ANGPTL1: variants seen among roughly 807,000 people sequenced by gnomAD.
ANGPTL1 encodes the protein angiopoietin-related protein 1.
Under a neutral mutation model 46.7 loss-of-function variants are expected in ANGPTL1, and 36 were observed. The ratio of observed to expected loss-of-function variants is 0.77; its 90% CI spans 0.59 to 1.02. The LOEUF (loss-of-function observed/expected upper bound fraction) is 1.02, where lower values mean the gene tolerates loss of function less well. Ranked by LOEUF, ANGPTL1 falls within the 50% of genes least tolerant of loss-of-function variation. The probability of loss-of-function intolerance (pLI) is 0.00; values close to 1 mark genes in which losing one functional copy is unlikely to be tolerated. For synonymous variants in ANGPTL1, 221 were observed against 204.3 expected (o/e 1.08, Z -0.69); for missense variants, 571 against 594.7 (o/e 0.96, Z 0.41).
intron 3 of ANGPTL1, among the ~76,000 whole-genome samples, chr1:178,862,858 T>G (rs1658131919): frequency 6.6e-6 from 1 of 152,096 alleles, no homozygotes; most frequent in Non-Finnish European, 1.5e-5. Context: ...AGCAGATATG[T>G]GAGTAGTTTA....
intron 3 of ANGPTL1, among the ~76,000 whole-genome samples, chr1:178,864,278 T>G (rs1344338983): frequency 2.0e-5 from 3 of 150,696 alleles, no homozygotes; most frequent in Non-Finnish European, 2.9e-5. Context: ...AATGCAATAG[T>G]TTTTTTTTAT....
chr1:178,854,458 A>T (rs1397479689), intron 3 of ANGPTL1, among the ~76,000 whole-genome samples: 1 of 152,148 alleles, frequency 6.6e-6, no homozygotes, highest in African/African-American at 2.4e-5. Flanking sequence ...AAAAGCCCTG[A>T]AATAAACCAG....
intron 4 of ANGPTL1, 78 bp from the exon 5 acceptor site, chr1:178,853,031 T>TG: frequency 6.6e-7 from 1 of 1,510,254 alleles, no homozygotes. Flanking sequence ...GTGTTAAACA[T>TG]TCGATAGCAT....
At chr1:178,862,566 A>G (rs1220594855) in intron 3 of ANGPTL1, among the ~76,000 whole-genome samples, 3 of 152,062 alleles carry the variant, frequency 2.0e-5, no homozygotes, top group African/African-American at 7.2e-5. Flanking sequence ...AGGCGTCAAC[A>G]AGGGCCTCAA....
rs138592842 is a variant in ANGPTL1 at position 178,851,018 on chromosome 1, A to T, written c.*111T>A. 117 of 1,053,146 alleles carry T rather than the reference A, an allele frequency of 1.1e-4. No individual in the cohort carries two copies. The African/African-American group carries it at 1.7e-3, about 16-fold the overall frequency. The allele number at this position is 1,053,146 out of a possible 1,614,324, so 65.2% of individuals were successfully genotyped here. A position where few individuals can be genotyped will look rare whatever the true frequency, so the allele number is the denominator to read the frequency against. Reference sequence around the variant, plus strand: ...TAGTTACGGTAAAATTCATTTTAAAAACTTTCTGTGTAGAAATAAATTGTG... The same window carrying T: ...TAGTTACGGTAAAATTCATTTTAAATACTTTCTGTGTAGAAATAAATTGTG... On this transcript the variant is annotated 3_prime_UTR_variant, in exon 6 of 6. Transcript: ENST00000234816.
At chr1:178,862,758 T>C (rs866365522) in intron 3 of ANGPTL1, among the ~76,000 whole-genome samples, 6 of 152,114 alleles carry the variant, frequency 3.9e-5, no homozygotes, top group African/African-American at 1.4e-4. Context: ...AGGAAACTAG[T>C]GGAAGGTCCG....
intron 3 of ANGPTL1, among the ~76,000 whole-genome samples, chr1:178,855,354 A>G (rs918760304): frequency 6.8e-5 from 10 of 147,722 alleles, no homozygotes; most frequent in Admixed American, 1.3e-4. Flanking sequence ...GAAACTGTCT[A>G]TAATTTTTTG....
At chr1:178,869,445 G>T (rs1220384468) in intron 1 of ANGPTL1, among the ~76,000 whole-genome samples, 1 of 152,062 alleles carries the variant, frequency 6.6e-6, no homozygotes, top group African/African-American at 2.4e-5. Context: ...TTTAAGAAAA[G>T]GATAAATAGT....
intron 5 of ANGPTL1, among the ~76,000 whole-genome samples, chr1:178,851,920 C>T (rs373416909): frequency 6.6e-6 from 1 of 151,950 alleles, no homozygotes; most frequent in African/African-American, 2.4e-5. Context: ...TGTATCAGGA[C>T]GAGAAGAAAC....
At chr1:178,865,829 G>T in intron 2 of ANGPTL1, 27 bp from the exon 3 acceptor site, 1 of 1,373,024 alleles carries the variant, frequency 7.3e-7, no homozygotes, top group South Asian at 1.4e-5. Flanking sequence ...CAGTGAAGGA[G>T]AAAAAGCAAA....
rs779013092 is a variant in ANGPTL1 at position 178,865,796 on chromosome 1, AT to A, written c.-21del. On this transcript the variant is annotated 5_prime_UTR_variant, in exon 3 of 6. Transcript: ENST00000234816. Reference sequence around the variant, plus strand: ...CTTCATTTTGAAATGAGGTTGTAAAATGATGTCTTTTGAAAAACAAATCAGT... The same window carrying A: ...CTTCATTTTGAAATGAGGTTGTAAAAGATGTCTTTTGAAAAACAAATCAGT... 7.8e-6 allele frequency: 12 copies of A among 1,534,712 alleles called. No homozygotes were observed. In the East Asian group the frequency reaches 9.0e-5, roughly 12 times the overall value.
chr1:178,868,851 T>TGG (rs938367391), intron 2 of ANGPTL1, among the ~76,000 whole-genome samples: 7 of 152,136 alleles, frequency 4.6e-5, no homozygotes, highest in Non-Finnish European at 8.8e-5. Context: ...ACAAAAGTAT[T>TGG]GGCTTCACTG....
At chr1:178,869,598 G>A (rs1167811716) in intron 1 of ANGPTL1, among the ~76,000 whole-genome samples, 1 of 152,012 alleles carries the variant, frequency 6.6e-6, no homozygotes, top group African/African-American at 2.4e-5. Context: ...ACTGTTGCTT[G>A]GAAATTTTGT....
At chr1:178,860,221 C>A (rs1354635139) in intron 3 of ANGPTL1, among the ~76,000 whole-genome samples, 1 of 152,022 alleles carries the variant, frequency 6.6e-6, no homozygotes, top group Non-Finnish European at 1.5e-5. Flanking sequence ...AATGCAGGCA[C>A]CAAATAACAT....
intron 3 of ANGPTL1, among the ~76,000 whole-genome samples, chr1:178,860,608 G>A (rs1032388551): frequency 2.6e-5 from 4 of 151,988 alleles, no homozygotes; most frequent in African/African-American, 4.8e-5. Context: ...TTCACCCTCC[G>A]CCTAACATCT....
intron 3 of ANGPTL1, among the ~76,000 whole-genome samples, chr1:178,857,386 G>A (rs943770618): frequency 1.3e-5 from 2 of 152,236 alleles, no homozygotes; most frequent in South Asian, 4.1e-4. Flanking sequence ...TCTACTACAG[G>A]CTAAGGACTG....
At chr1:178,870,312 T>C (rs1487801068) in intron 1 of ANGPTL1, among the ~76,000 whole-genome samples, 2 of 152,208 alleles carry the variant, frequency 1.3e-5, no homozygotes, top group African/African-American at 4.8e-5. Context: ...AGTTTATGTA[T>C]ATCTTCAGCA....
Position 178,851,139 on chromosome 1 carries a change from G to A in ANGPTL1, c.1466C>T (p.Pro489Leu), listed in dbSNP as rs968055918. ...SLRAVQMMIK[P>L]ID ...GGCGAGTGTCTCTCTTCAGTCAATA[G>A]GCTTGATCATCATCTGAACTGCTCT... is the stretch of plus-strand genomic sequence containing the variant. The change falls in exon 6 of 6, where the codon CCT becomes CTT. Residue 489 changes from proline (P) to leucine (L), a missense_variant. Coordinates refer to ENST00000234816, the MANE Select transcript of ANGPTL1 (RefSeq NM_004673.4). The A allele has an allele frequency of 1.9e-6, 3 of 1,612,842 alleles. No homozygotes were observed. In the African/African-American group the frequency reaches 4.0e-5, roughly 22 times the overall value.
chr1:178,850,588 A>T lies in ANGPTL1; in HGVS notation c.*541T>A, dbSNP rs1353491398. 6.6e-6 allele frequency: 1 copy of T among 152,198 alleles called. No individual in the cohort carries two copies. The highest frequency in any genetic ancestry group is 1.5e-5 in the Non-Finnish European group (1 of 68,056). 9.4% of individuals were successfully genotyped at this position (152,198 alleles called of 1,614,324 possible). A position where few individuals can be genotyped will look rare whatever the true frequency, so the allele number is the denominator to read the frequency against. ...AATCAGCATAGGATATATTATTAAG[A>T]ATTCAGATTTAATCATTACGTGTGA... On this transcript the variant is annotated 3_prime_UTR_variant, in exon 6 of 6. Transcript: ENST00000234816.
Sources: allele counts gnomAD v4.1 joint callset (sites outside exome capture counted in the v4.1 genomes callset), GRCh38; gene constraint gnomAD v4.1.1; transcripts MANE v1.5; gene names NCBI Gene and HGNC (gene_info 2026-07-23, HGNC 2026-07-21).